ARHGAP10: variants seen among roughly 807,000 people sequenced by gnomAD.
ARHGAP10 encodes the protein Rho GTPase activating protein 10, also known as rho GTPase-activating protein 10.
Under a neutral mutation model 108.6 loss-of-function variants are expected in ARHGAP10, and 87 were observed. That is an observed-to-expected ratio of 0.80 (90% CI 0.67 to 0.96). The LOEUF (loss-of-function observed/expected upper bound fraction) is 0.96, where lower values mean the gene tolerates loss of function less well. ARHGAP10 is among the 40% of genes least tolerant of loss of function. ARHGAP10 has a pLI of 0.00. For synonymous variants in ARHGAP10, 347 were observed against 341.1 expected (o/e 1.02, Z -0.19); for missense variants, 939 against 954.5 (o/e 0.98, Z 0.21).
intron 12 of ARHGAP10, among the ~76,000 whole-genome samples, chr4:147,910,441 T>C (rs1397277253): frequency 6.6e-6 from 1 of 152,216 alleles, no homozygotes; most frequent in African/African-American, 2.4e-5. Flanking sequence ...AACCTTCAAC[T>C]TCTTGTCTGA....
intron 18 of ARHGAP10, among the ~76,000 whole-genome samples, chr4:148,005,141 A>G (rs1229056080): frequency 6.6e-6 from 1 of 152,232 alleles, no homozygotes; most frequent in African/African-American, 2.4e-5. Context: ...CATGCTAGGC[A>G]CATTTATGCC....
At chr4:147,965,151 T>C (rs1313979005) in intron 17 of ARHGAP10, 22 bp downstream of exon 17, 2 of 1,574,692 alleles carry the variant, frequency 1.3e-6, no homozygotes, top group Admixed American at 3.5e-5. Context: ...TTTCTTCGTT[T>C]TAACTTTCTT....
intron 1 of ARHGAP10, among the ~76,000 whole-genome samples, chr4:147,800,960 C>T (rs1731557254): frequency 6.6e-6 from 1 of 152,184 alleles, no homozygotes. Flanking sequence ...TGCCTGACAC[C>T]ATGCCTGGCT....
chr4:147,991,733 C>T (rs1181505520), intron 18 of ARHGAP10, among the ~76,000 whole-genome samples: 1 of 152,206 alleles, frequency 6.6e-6, no homozygotes, highest in Admixed American at 6.5e-5. Flanking sequence ...TTCCCAGATG[C>T]CAAAACAGGT....
intron 1 of ARHGAP10, among the ~76,000 whole-genome samples, chr4:147,759,657 AT>A (rs1324688617): frequency 5.3e-5 from 8 of 150,400 alleles, no homozygotes; most frequent in African/African-American, 7.3e-5. Context: ...CCAAAATATT[AT>A]TTCAACGTGT....
chr4:147,762,007 TTTTTTA>T (rs1382415651), intron 1 of ARHGAP10, among the ~76,000 whole-genome samples: 1 of 152,170 alleles, frequency 6.6e-6, no homozygotes, highest in South Asian at 2.1e-4. Flanking sequence ...CATTCCCTCT[TTTTTTA>T]TTTTTATTTT....
At chr4:147,984,272 C>T (rs747854053) in intron 18 of ARHGAP10, among the ~76,000 whole-genome samples, 7 of 152,198 alleles carry the variant, frequency 4.6e-5, no homozygotes, top group Non-Finnish European at 7.3e-5. Context: ...TCGCGTTCAG[C>T]GGCTGGAGCC....
intron 18 of ARHGAP10, among the ~76,000 whole-genome samples, chr4:148,002,802 C>G (rs1172111289): frequency 1.3e-5 from 2 of 152,102 alleles, no homozygotes; most frequent in Non-Finnish European, 2.9e-5. Flanking sequence ...ATTCTTTTCT[C>G]TTTTCTTCTT....
intron 4 of ARHGAP10, among the ~76,000 whole-genome samples, chr4:147,854,485 A>T (rs776362883): frequency 4.6e-5 from 7 of 152,134 alleles, no homozygotes; most frequent in South Asian, 2.1e-4. Flanking sequence ...GACTCATTTC[A>T]GTTTTTGTAA....
rs147519262 is a variant in ARHGAP10, at chr4:148,008,830, C to T, written c.1717-14433C>T. 6.1e-3 allele frequency among the ~76,000 whole-genome samples: 931 copies of T among 151,916 alleles called. 5 individuals are homozygous for T. Among genetic ancestry groups the T allele is most frequent in the Admixed American group, 0.01 (158 of 15,260 alleles). On this transcript the variant is annotated intron_variant, in intron 18 of 22. Coordinates refer to ENST00000336498, the MANE Select transcript of ARHGAP10 (RefSeq NM_024605.4). ...ATTGTAGTGTGGTGTTTTCCAGAGGCGATGATATTAAGACATTGAATTAAA... is the reference window on the plus strand; with the variant it reads ...ATTGTAGTGTGGTGTTTTCCAGAGGTGATGATATTAAGACATTGAATTAAA...
chr4:147,995,958 C>T (rs958929911), intron 18 of ARHGAP10, among the ~76,000 whole-genome samples: 1 of 152,240 alleles, frequency 6.6e-6, no homozygotes, highest in South Asian at 2.1e-4. Context: ...ACCTCGTGAT[C>T]CGCCTGCCTC....
chr4:147,871,361 T>G (rs1038815175), intron 7 of ARHGAP10, among the ~76,000 whole-genome samples: 1 of 152,206 alleles, frequency 6.6e-6, no homozygotes, highest in African/African-American at 2.4e-5. Flanking sequence ...TTATCCCTTT[T>G]GTTTTTGCCC....
At chr4:148,061,042 A>G (rs1729596593) in intron 20 of ARHGAP10, among the ~76,000 whole-genome samples, 1 of 149,996 alleles carries the variant, frequency 6.7e-6, no homozygotes, top group Admixed American at 6.6e-5. Flanking sequence ...ACTGAGGGGT[A>G]TTTTCCCTAA....
intron 1 of ARHGAP10, among the ~76,000 whole-genome samples, chr4:147,798,813 A>G (rs1731457955): frequency 8.1e-6 from 1 of 124,088 alleles, no homozygotes; most frequent in South Asian, 2.6e-4. Flanking sequence ...ATATATATAT[A>G]TATAGACTTT....
intron 22 of ARHGAP10, among the ~76,000 whole-genome samples, chr4:148,064,926 A>T (rs1330137322): frequency 6.6e-6 from 1 of 152,148 alleles, no homozygotes; most frequent in East Asian, 1.9e-4. Flanking sequence ...GTCCTTAAAA[A>T]TTTTTGATTT....
intron 19 of ARHGAP10, among the ~76,000 whole-genome samples, chr4:148,027,320 CAAAA>C (rs1469738589): frequency 1.3e-5 from 2 of 152,170 alleles, no homozygotes; most frequent in African/African-American, 4.8e-5. Flanking sequence ...GAGTTGAAAA[CAAAA>C]TCATCTTGCA....
At chr4:147,840,744 G>A (rs1733378493) in intron 3 of ARHGAP10, among the ~76,000 whole-genome samples, 1 of 152,194 alleles carries the variant, frequency 6.6e-6, no homozygotes, top group Non-Finnish European at 1.5e-5. Flanking sequence ...CCTGTAGATT[G>A]CTTATCCCAG....
At chr4:148,022,729 G>T (rs1328927341) in intron 18 of ARHGAP10, among the ~76,000 whole-genome samples, 1 of 152,160 alleles carries the variant, frequency 6.6e-6, no homozygotes, top group Non-Finnish European at 1.5e-5. Context: ...TAAATGAATT[G>T]ATAAAATCCA....
At chr4:147,828,369 C>G (rs981663019) in intron 3 of ARHGAP10, among the ~76,000 whole-genome samples, 7 of 152,074 alleles carry the variant, frequency 4.6e-5, no homozygotes, top group Admixed American at 2.0e-4. Flanking sequence ...TTTGAGCCAC[C>G]AGTTATATAA....
Sources: allele counts gnomAD v4.1 joint callset (sites outside exome capture counted in the v4.1 genomes callset), GRCh38; gene constraint gnomAD v4.1.1; transcripts MANE v1.5; gene names NCBI Gene and HGNC (gene_info 2026-07-23, HGNC 2026-07-21).